HCN1: variants seen among roughly 807,000 people sequenced by gnomAD.
The protein encoded by HCN1 is potassium/sodium hyperpolarization-activated cyclic nucleotide-gated channel 1.
HCN1 carries 13 observed loss-of-function variants against 78.9 expected under a neutral mutation model. That is an observed-to-expected ratio of 0.16 (90% CI 0.11 to 0.26). The LOEUF is 0.26. Ranked by LOEUF, HCN1 falls within the 10% of genes least tolerant of loss-of-function variation. The probability of loss-of-function intolerance (pLI) is 1.00; values close to 1 mark genes in which losing one functional copy is unlikely to be tolerated. For missense variants in HCN1, 810 were observed against 1,154.3 expected, an observed-to-expected ratio of 0.70 and a Z score of 4.32; for synonymous variants, 552 against 455.5, an observed-to-expected ratio of 1.21 and a Z score of -2.70.
intron 1 of HCN1, among the ~76,000 whole-genome samples, chr5:45,656,535 G>A (rs998052763): frequency 6.6e-6 from 1 of 152,152 alleles, no homozygotes; most frequent in African/African-American, 2.4e-5. Flanking sequence ...TAGAAACAAG[G>A]TGGAGATAAA....
intron 5 of HCN1, among the ~76,000 whole-genome samples, chr5:45,330,234 T>C: frequency 6.6e-6 from 1 of 151,348 alleles, no homozygotes. Flanking sequence ...GATGCCATGC[T>C]GCATTTGGCA....
intron 3 of HCN1, among the ~76,000 whole-genome samples, chr5:45,456,982 C>T (rs1200409602): frequency 4.6e-5 from 7 of 152,010 alleles, no homozygotes; most frequent in Admixed American, 2.0e-4. Flanking sequence ...TATTCAGATT[C>T]CATATGTATG....
At chr5:45,537,264 A>G (rs971139743) in intron 2 of HCN1, among the ~76,000 whole-genome samples, 2 of 152,160 alleles carry the variant, frequency 1.3e-5, no homozygotes, top group Non-Finnish European at 2.9e-5. Flanking sequence ...TTTTTAAAAA[A>G]AATATTTCTT....
At chr5:45,586,816 G>A (rs1001394337) in intron 2 of HCN1, among the ~76,000 whole-genome samples, 6 of 152,030 alleles carry the variant, frequency 3.9e-5, no homozygotes, top group Non-Finnish European at 7.4e-5. Flanking sequence ...ATAAATATTC[G>A]TGATTCCCCA....
At chr5:45,498,480 C>A (rs1320770436) in intron 2 of HCN1, among the ~76,000 whole-genome samples, 2 of 152,130 alleles carry the variant, frequency 1.3e-5, no homozygotes, top group East Asian at 1.9e-4. Flanking sequence ...TCTAGTTATA[C>A]ATTCTTCTAA....
intron 2 of HCN1, among the ~76,000 whole-genome samples, chr5:45,636,789 A>G (rs1745364159): frequency 6.6e-6 from 1 of 152,132 alleles, no homozygotes; most frequent in Non-Finnish European, 1.5e-5. Context: ...GCAGTGAGCT[A>G]TATAATCCCA....
chr5:45,533,674 G>T (rs1742905112), intron 2 of HCN1, among the ~76,000 whole-genome samples: 2 of 152,156 alleles, frequency 1.3e-5, no homozygotes, highest in South Asian at 4.1e-4. Context: ...TATACCATAT[G>T]GAGGGCACAG....
intron 3 of HCN1, among the ~76,000 whole-genome samples, chr5:45,441,802 T>C (rs1250163038): frequency 1.3e-5 from 2 of 152,168 alleles, no homozygotes; most frequent in African/African-American, 4.8e-5. Flanking sequence ...TATTAATTAA[T>C]GGAGTGCTCA....
At chr5:45,500,571 A>C (rs1269630111) in intron 2 of HCN1, among the ~76,000 whole-genome samples, 3 of 152,216 alleles carry the variant, frequency 2.0e-5, no homozygotes, top group Non-Finnish European at 2.9e-5. Flanking sequence ...TAAATTATCA[A>C]CTTGTTATTT....
At chr5:45,585,823 G>T (rs577979011) in intron 2 of HCN1, among the ~76,000 whole-genome samples, 5 of 152,162 alleles carry the variant, frequency 3.3e-5, no homozygotes, top group African/African-American at 1.2e-4. Flanking sequence ...ATCAGCAGTG[G>T]AGGCTGCAGA....
chr5:45,606,966 T>A (rs982233356), intron 2 of HCN1, among the ~76,000 whole-genome samples: 12 of 151,992 alleles, frequency 7.9e-5, no homozygotes, highest in Admixed American at 5.3e-4. Flanking sequence ...ATTAATAAAC[T>A]AAGCATCTGA....
intron 5 of HCN1, among the ~76,000 whole-genome samples, chr5:45,348,961 T>A (rs1020178712): frequency 6.6e-6 from 1 of 152,010 alleles, no homozygotes. Context: ...TTAGACAGAT[T>A]AACGAGACAG....
In HCN1 at chr5:45,293,474, T is replaced by C. The variant is rs375398357; in HGVS notation, c.1618+10125A>G. 3.6e-4 allele frequency among the ~76,000 whole-genome samples: 55 copies of C among 151,044 alleles called. No individual in the cohort carries two copies. In the South Asian group the frequency reaches 0.011, roughly 30 times the overall value. On this transcript the variant is annotated intron_variant, in intron 6 of 7. Coordinates refer to ENST00000303230, the MANE Select transcript of HCN1 (RefSeq NM_021072.4). Reference sequence around the variant, plus strand: ...GCCTGGGTGACAGAGCAAGACATGGTCTACAAAAACAAAACAAAACAAAAC... The same window carrying C: ...GCCTGGGTGACAGAGCAAGACATGGCCTACAAAAACAAAACAAAACAAAAC...
rs551815201 is a variant in HCN1, at chr5:45,562,058, G to A, written c.849+83127C>T. Among the ~76,000 whole-genome samples the A allele has an allele frequency of 2.6e-5, 4 of 152,230 alleles. No homozygotes were observed. The East Asian group carries it at 7.7e-4, about 29-fold the overall frequency. ...GTATCCAACTGGAGGGCGGTCATGG[G>A]AAACTACCACATTTTTAGTCAGTTG... is the stretch of plus-strand genomic sequence containing the variant. On this transcript the variant is annotated intron_variant, in intron 2 of 7. Coordinates refer to ENST00000303230, the MANE Select transcript of HCN1 (RefSeq NM_021072.4).
At chr5:45,321,698 C>A (rs981155931) in intron 5 of HCN1, among the ~76,000 whole-genome samples, 1 of 151,412 alleles carries the variant, frequency 6.6e-6, no homozygotes, top group Non-Finnish European at 1.5e-5. Context: ...ATTTTACACA[C>A]ATACGTATTT....
At chr5:45,338,515 T>C (rs537634006) in intron 5 of HCN1, among the ~76,000 whole-genome samples, 17 of 152,284 alleles carry the variant, frequency 1.1e-4, no homozygotes, top group African/African-American at 3.8e-4. Context: ...AAAATACATA[T>C]CAAATAATTG....
intron 3 of HCN1, among the ~76,000 whole-genome samples, chr5:45,402,261 T>G (rs1404367984): frequency 6.6e-6 from 1 of 152,120 alleles, no homozygotes. Flanking sequence ...GAGCAGAGAA[T>G]GATATGATCT....
chr5:45,319,362 T>C (rs1054989222), intron 5 of HCN1, among the ~76,000 whole-genome samples: 6 of 151,996 alleles, frequency 3.9e-5, no homozygotes, highest in Non-Finnish European at 8.8e-5. Context: ...TTTGATTTTA[T>C]CATTTAGCCA....
chr5:45,648,400 T>C (rs1479242472), intron 1 of HCN1, among the ~76,000 whole-genome samples: 3 of 152,178 alleles, frequency 2.0e-5, no homozygotes, highest in Non-Finnish European at 4.4e-5. Context: ...AGCCATTAGA[T>C]ATCTCAATAC....
Sources: allele counts gnomAD v4.1 joint callset (sites outside exome capture counted in the v4.1 genomes callset), GRCh38; gene constraint gnomAD v4.1.1; transcripts MANE v1.5; gene names NCBI Gene and HGNC (gene_info 2026-07-23, HGNC 2026-07-21).